NXPH1: variants seen among roughly 807,000 people sequenced by gnomAD.
The protein encoded by NXPH1 is neurexophilin 1.
In NXPH1, 5 loss-of-function variants were observed where a neutral mutation model predicts 23.7. The observed-to-expected ratio is 0.21, with a 90% CI of 0.11 to 0.44. The LOEUF (loss-of-function observed/expected upper bound fraction) is 0.44, where lower values mean the gene tolerates loss of function less well. NXPH1 is among the 20% of genes least tolerant of loss of function. The pLI is 0.99. For synonymous variants in NXPH1, 144 were observed against 122.2 expected, an observed-to-expected ratio of 1.18 and a Z score of -1.18; for missense variants, 324 against 321.6, an observed-to-expected ratio of 1.01 and a Z score of -0.06.
intron 2 of NXPH1, among the ~76,000 whole-genome samples, chr7:8,691,847 A>G (rs1467983101): frequency 6.6e-6 from 1 of 152,206 alleles, no homozygotes; most frequent in Non-Finnish European, 1.5e-5. Context: ...TTTATAAACC[A>G]TCAGAGACTA....
intron 2 of NXPH1, among the ~76,000 whole-genome samples, chr7:8,648,024 A>T (rs1296335012): frequency 6.6e-6 from 1 of 152,126 alleles, no homozygotes. Context: ...ATAAACTTTT[A>T]ATTTTTGTGG....
intron 2 of NXPH1, among the ~76,000 whole-genome samples, chr7:8,502,752 C>G (rs1817457147): frequency 6.6e-6 from 1 of 151,452 alleles, no homozygotes; most frequent in Non-Finnish European, 1.5e-5. Context: ...TCATGGCTCA[C>G]TAGATGGTAG....
At chr7:8,539,197 C>T (rs1180422076) in intron 2 of NXPH1, among the ~76,000 whole-genome samples, 2 of 151,736 alleles carry the variant, frequency 1.3e-5, no homozygotes, top group African/African-American at 2.4e-5. Context: ...AAAAGCACCA[C>T]TATCAGCTAA....
intron 2 of NXPH1, among the ~76,000 whole-genome samples, chr7:8,610,681 T>A (rs997229962): frequency 2.6e-5 from 4 of 152,094 alleles, no homozygotes; most frequent in African/African-American, 9.7e-5. Flanking sequence ...TCTATTTTCT[T>A]CCTTTTGTTG....
intron 2 of NXPH1, among the ~76,000 whole-genome samples, chr7:8,723,942 T>C (rs1051983446): frequency 6.6e-6 from 1 of 152,172 alleles, no homozygotes; most frequent in African/African-American, 2.4e-5. Flanking sequence ...CATAGACACA[T>C]GTTGCATTGA....
intron 2 of NXPH1, among the ~76,000 whole-genome samples, chr7:8,742,718 T>C (rs757551228): frequency 2.6e-5 from 4 of 152,140 alleles, no homozygotes; most frequent in Non-Finnish European, 5.9e-5. Context: ...GAAGCAGGGG[T>C]TGATGATGAA....
In NXPH1 at chr7:8,525,216, G is replaced by T. The variant is rs1045347386; in HGVS notation, c.54+89449G>T. 3.9e-5 allele frequency among the ~76,000 whole-genome samples: 6 copies of T among 152,334 alleles called. No homozygotes were observed. The East Asian group carries it at 1.2e-3, about 29-fold the overall frequency. On this transcript the variant is annotated intron_variant, in intron 2 of 2. Coordinates refer to ENST00000405863, the MANE Select transcript of NXPH1 (RefSeq NM_152745.3). ...GACTCTTGTTATGTTTTAGCAAAGA[G>T]ACTGGTGGCATTTTGCCCATGCCCT...
intron 2 of NXPH1, among the ~76,000 whole-genome samples, chr7:8,685,002 C>T (rs546315871): frequency 3.3e-5 from 5 of 152,172 alleles, no homozygotes; most frequent in East Asian, 1.9e-4. Flanking sequence ...TGGCTCTGAG[C>T]GGAATTAGAA....
chr7:8,507,937 GA>G (rs1319316642), intron 2 of NXPH1, among the ~76,000 whole-genome samples: 1 of 151,940 alleles, frequency 6.6e-6, no homozygotes, highest in Admixed American at 6.6e-5. Flanking sequence ...AGTCAATAGG[GA>G]AAAAAGGGAA....
At chr7:8,696,824 G>C (rs1779527803) in intron 2 of NXPH1, among the ~76,000 whole-genome samples, 1 of 132,956 alleles carries the variant, frequency 7.5e-6, no homozygotes, top group Non-Finnish European at 1.6e-5. Context: ...CTGGGTGACA[G>C]AGCAAGACTC....
In NXPH1 at chr7:8,639,723, C is replaced by T. The variant is rs184894538; in HGVS notation, c.55-111285C>T. Among the ~76,000 whole-genome samples, 3 of 152,254 alleles carry T rather than the reference C, an allele frequency of 2.0e-5. No homozygotes were observed. In the East Asian group the frequency reaches 5.8e-4, roughly 29 times the overall value. The stretch of plus-strand genomic sequence containing the variant: ...AGGTGGTTGAATCATGGGGGTCCAT[C>T]TTTCCCATGCTGTTCTCATGATTGT... On this transcript the variant is annotated intron_variant, in intron 2 of 2. Transcript: ENST00000405863.
intron 2 of NXPH1, among the ~76,000 whole-genome samples, chr7:8,470,162 G>A (rs890646910): frequency 2.0e-5 from 3 of 152,112 alleles, no homozygotes; most frequent in South Asian, 2.1e-4. Flanking sequence ...GTTGGCCATG[G>A]CCCAACATGT....
intron 2 of NXPH1, among the ~76,000 whole-genome samples, chr7:8,676,673 A>G (rs1030046773): frequency 6.6e-6 from 1 of 152,164 alleles, no homozygotes; most frequent in Non-Finnish European, 1.5e-5. Context: ...CTGCCTCTTT[A>G]TAGTTTTCTA....
chr7:8,447,399 A>T (rs1584160300), intron 2 of NXPH1, among the ~76,000 whole-genome samples: 1 of 152,328 alleles, frequency 6.6e-6, no homozygotes, highest in Admixed American at 6.5e-5. Context: ...TCTGGTCTTG[A>T]TGTGGAACTT....
At chr7:8,734,940 T>C (rs1209775329) in intron 2 of NXPH1, among the ~76,000 whole-genome samples, 1 of 152,140 alleles carries the variant, frequency 6.6e-6, no homozygotes, top group Non-Finnish European at 1.5e-5. Flanking sequence ...GATTTGGCTC[T>C]CTGTCTGTTA....
chr7:8,695,948 C>G (rs532801404), intron 2 of NXPH1, among the ~76,000 whole-genome samples: 34 of 152,186 alleles, frequency 2.2e-4, no homozygotes, highest in African/African-American at 8.2e-4. Context: ...CTCCTTAAAA[C>G]TGAAAGAAAA....
At chr7:8,496,401 T>C (rs564036016) in intron 2 of NXPH1, among the ~76,000 whole-genome samples, 1 of 152,190 alleles carries the variant, frequency 6.6e-6, no homozygotes, top group Non-Finnish European at 1.5e-5. Flanking sequence ...AGACTTTTGA[T>C]GAATATCATA....
At chr7:8,602,962 C>G (rs1469847474) in intron 2 of NXPH1, among the ~76,000 whole-genome samples, 1 of 152,100 alleles carries the variant, frequency 6.6e-6, no homozygotes, top group Non-Finnish European at 1.5e-5. Context: ...AGGCGCCCAC[C>G]ACCATGCACA....
At chr7:8,547,926 C>A (rs890837632) in intron 2 of NXPH1, among the ~76,000 whole-genome samples, 1 of 151,368 alleles carries the variant, frequency 6.6e-6, no homozygotes, top group Admixed American at 6.6e-5. Flanking sequence ...ACTTTGCTAT[C>A]GCGAATAGTG....
Sources: gnomAD v4.1 joint callset for allele counts (sites outside exome capture counted in the v4.1 genomes callset) on GRCh38, gnomAD v4.1.1 for gene constraint, MANE v1.5 for transcripts, NCBI Gene and HGNC (gene_info 2026-07-23, HGNC 2026-07-21) for gene names.